The following CD24 variants were observed in gnomAD, a reference collection of about 807,000 sequenced individuals.
The protein encoded by CD24 is CD24 molecule, also known as signal transducer CD24.
A neutral mutation model predicts 3.6 loss-of-function variants in CD24; 2 were observed. The observed-to-expected ratio is 0.56, with a 90% CI of 0.23 to 1.77. The LOEUF is 1.77. Ranked by LOEUF, CD24 falls within the 40% of genes most tolerant of loss-of-function variation. The pLI is 0.18. For synonymous variants in CD24, 33 were observed against 44.9 expected (o/e 0.74, Z 1.06); for missense variants, 62 against 93.6 (o/e 0.66, Z 1.39).
At position 106,970,458 on chromosome 6, in the gene CD24, GCCTT is replaced by G. The variant is rs1480116770; in HGVS notation, c.*1199_*1202del. On this transcript the variant is annotated 3_prime_UTR_variant, in exon 2 of 2. Coordinates refer to ENST00000606017, the MANE Select transcript of CD24 (RefSeq NM_001359084.1). ...TCTTAATTTCAAGATTTGCAATTTT[GCCTT>G]CAAAACAGATCATTTTTTTAAATTG... is the stretch of plus-strand genomic sequence containing the variant. 6.6e-6 allele frequency: 1 copy of G among 152,544 alleles called. No individual in the cohort carries two copies. The highest frequency in any genetic ancestry group is 1.9e-4 in the East Asian group (1 of 5,200). 9.4% of individuals were successfully genotyped at this position (152,544 alleles called of 1,614,324 possible).
chr6:106,975,142 A>C (rs1773078180), upstream of CD24: 1 of 152,072 alleles, frequency 6.6e-6, no homozygotes, highest in South Asian at 2.1e-4. Context: ...ACCCCCCAAA[A>C]GAAAAGTCCG....
intron 1 of CD24, chr6:106,973,882 C>G (rs1773036493): frequency 5.0e-6 from 2 of 398,476 alleles, no homozygotes; most frequent in Non-Finnish European, 8.8e-6. Flanking sequence ...AATCGTCCCA[C>G]CATGCTGCCT....
chr6:106,973,219 T>G (rs1773015719), intron 1 of CD24, among the ~76,000 whole-genome samples: 1 of 152,230 alleles, frequency 6.6e-6, no homozygotes, highest in African/African-American at 2.4e-5. Context: ...CTAAAGATCC[T>G]CTACACCAAC....
chr6:106,974,548 C>A, intron 1 of CD24, 30 bp downstream of exon 1: 2 of 1,381,986 alleles, frequency 1.4e-6, no homozygotes, highest in Non-Finnish European at 1.9e-6. Flanking sequence ...GGGAACGGCC[C>A]TCGAGCCCCG....
At chr6:106,975,004 G>C (rs1232236927), upstream of CD24, 1 of 151,294 alleles carries the variant, frequency 6.6e-6, no homozygotes, top group Non-Finnish European at 1.5e-5. Context: ...CGCCGGCTGC[G>C]GGCTGCGGGC....
At chr6:106,975,341 G>A (rs1346388419), upstream of CD24, 1 of 152,030 alleles carries the variant, frequency 6.6e-6, no homozygotes, top group Non-Finnish European at 1.5e-5. Context: ...CGCGGCGGGC[G>A]TGGCGCGGAC....
At chr6:106,974,955 C>G (rs1351390591), upstream of CD24, among the ~76,000 whole-genome samples, 121 of 148,398 alleles carry the variant, frequency 8.2e-4, no homozygotes, top group East Asian at 0.023. Context: ...TGCAGGTGGG[C>G]GGGCGCCGCC....
chr6:106,975,046 C>A (rs1160050314), upstream of CD24: 4 of 151,810 alleles, frequency 2.6e-5, no homozygotes, highest in Non-Finnish European at 5.9e-5. Flanking sequence ...GCCTCCGGCA[C>A]AGGACCCGGG....
chr6:106,974,546 C>T, intron 1 of CD24, 32 bp downstream of exon 1: 1 of 1,350,796 alleles, frequency 7.4e-7, no homozygotes, highest in South Asian at 1.5e-5. Context: ...CCGGGAACGG[C>T]CCTCGAGCCC....
At chr6:106,974,521 T>C in intron 1 of CD24, 57 bp downstream of exon 1, 1 of 1,064,914 alleles carries the variant, frequency 9.4e-7, no homozygotes, top group Non-Finnish European at 1.3e-6. Flanking sequence ...CGGGTCCATC[T>C]CCCCTGCCCC....
At chr6:106,974,369 G>C (rs1408327801) in intron 1 of CD24, among the ~76,000 whole-genome samples, 1 of 152,206 alleles carries the variant, frequency 6.6e-6, no homozygotes, top group African/African-American at 2.4e-5. Context: ...TTGTTCCCAG[G>C]GCCGTGGGAG....
rs1024981132 is a variant in CD24 at position 106,973,225 on chromosome 6, C to G, written c.69+1353G>C. On this transcript the variant is annotated intron_variant, in intron 1 of 1. Coordinates refer to ENST00000606017, the MANE Select transcript of CD24 (RefSeq NM_001359084.1). ...TCTGAGGATCTAAAGATCCTCTACA[C>G]CAACAAAAAAATTATGTTTATTAAA... is the stretch of plus-strand genomic sequence containing the variant. Among the ~76,000 whole-genome samples, 225 of 152,192 alleles carry G rather than the reference C, an allele frequency of 1.5e-3. 1 individual carries two copies. Among genetic ancestry groups the G allele is most frequent in the Non-Finnish European group, 2.6e-3 (174 of 67,998 alleles).
chr6:106,973,196 T>C (rs1464530852), intron 1 of CD24, among the ~76,000 whole-genome samples: 1 of 152,190 alleles, frequency 6.6e-6, no homozygotes, highest in African/African-American at 2.4e-5. Context: ...ACCTGGTGTA[T>C]CAATCTGAGG....
intron 1 of CD24, chr6:106,974,169 C>T: frequency 2.8e-6 from 1 of 357,838 alleles, no homozygotes; most frequent in Non-Finnish European, 4.9e-6. Flanking sequence ...GAAGACATTC[C>T]TAGGGGAAAG....
In CD24 at chr6:106,970,923, A is replaced by G. The variant is rs1282688897; in HGVS notation, c.*738T>C. ...TGCTCTTGTTGAATGGAAACAGGTG[A>G]TAGGAAATGCCTACCATTTGACTCA... On this transcript the variant is annotated 3_prime_UTR_variant, in exon 2 of 2. Coordinates refer to ENST00000606017, the MANE Select transcript of CD24 (RefSeq NM_001359084.1). The G allele has an allele frequency of 6.6e-6, 1 of 152,276 alleles. No individual in the cohort carries two copies. Among genetic ancestry groups the G allele is most frequent in the Non-Finnish European group, 1.5e-5 (1 of 68,070 alleles). 9.4% of individuals were successfully genotyped at this position (152,276 alleles called of 1,614,324 possible).
At chr6:106,974,938 G>C (rs1377751717), upstream of CD24, among the ~76,000 whole-genome samples, 1 of 148,350 alleles carries the variant, frequency 6.7e-6, no homozygotes, top group Non-Finnish European at 1.5e-5. Context: ...CCCCGGGCGG[G>C]CGCCGCTGCA....
upstream of CD24, among the ~76,000 whole-genome samples, chr6:106,974,980 G>T (rs1192276164): frequency 6.7e-6 from 1 of 149,706 alleles, no homozygotes; most frequent in Non-Finnish European, 1.5e-5. Flanking sequence ...GCTGGTACCC[G>T]GCTGGTATCC....
chr6:106,971,542 G>A lies in CD24; in HGVS notation c.*119C>T, dbSNP rs1772972372. The A allele has an allele frequency of 4.4e-6, 3 of 686,564 alleles. No homozygotes were observed. The Admixed American group carries it at 8.8e-5, about 20-fold the overall frequency. 42.5% of individuals were successfully genotyped at this position (686,564 alleles called of 1,614,324 possible). ...AACATTTTCTGTGTCAATAAAAGGT[G>A]TGGAATTAGTAGATTCGATGAAGAC... On this transcript the variant is annotated 3_prime_UTR_variant, in exon 2 of 2. Coordinates refer to ENST00000606017, the MANE Select transcript of CD24 (RefSeq NM_001359084.1).
intron 1 of CD24, among the ~76,000 whole-genome samples, chr6:106,973,048 A>G (rs1352651303): frequency 3.9e-5 from 6 of 152,330 alleles, no homozygotes; most frequent in Non-Finnish European, 7.3e-5. Flanking sequence ...GGCACTCCCA[A>G]TAAAGAAAAG....
Sources: allele counts gnomAD v4.1 joint callset (sites outside exome capture counted in the v4.1 genomes callset), GRCh38; gene constraint gnomAD v4.1.1; transcripts MANE v1.5; gene names NCBI Gene and HGNC (gene_info 2026-07-23, HGNC 2026-07-21).